APC2: variants seen among roughly 807,000 people sequenced by gnomAD.
APC2 encodes the protein APC regulator of Wnt signaling pathway 2, also known as adenomatous polyposis coli protein 2.
In APC2, 41 loss-of-function variants were observed where a neutral mutation model predicts 72.5. The ratio of observed to expected loss-of-function variants is 0.57; its 90% CI spans 0.44 to 0.73. APC2 has a LOEUF of 0.73. Among genes scored for constraint, APC2 ranks in the 30% least tolerant of loss-of-function variants. The pLI is 0.00. For synonymous variants in APC2, 1,898 were observed against 1,612.0 expected, an observed-to-expected ratio of 1.18 and a Z score of -4.25; for missense variants, 3,729 against 3,403.4, an observed-to-expected ratio of 1.10 and a Z score of -2.38.
Position 1,467,146 on chromosome 19 carries a change from C to A in APC2, c.3845C>A (p.Ala1282Asp). The change falls in exon 15 of 15, where the codon GCC (alanine) becomes GAC (aspartate). Residue 1282 changes from alanine to aspartate, a missense_variant. Ala to Asp is a moderately radical substitution (Grantham distance 126). Coordinates refer to ENST00000590469, the MANE Select transcript of APC2 (RefSeq NM_005883.3). ...TGCGCCTCCAGCCTCAGCGCGCTGG[C>A]CTTGCACGAGCACTACGTGCAGCAG... ...FSCASSLSALALHEHYVQQDV... is the reference protein window; with the variant it reads ...FSCASSLSALDLHEHYVQQDV... 2 of 1,570,244 alleles carry A rather than the reference C, an allele frequency of 1.3e-6. No individual in the cohort carries two copies. The highest frequency in any genetic ancestry group is 1.7e-6 in the Non-Finnish European group (2 of 1,157,944).
In APC2 at chr19:1,460,124, G is replaced by A. The variant is rs529739323; in HGVS notation, c.1304-57G>A. 75 of 1,607,880 alleles carry A rather than the reference G, an allele frequency of 4.7e-5. 1 individual carries two copies. Among genetic ancestry groups the A allele is most frequent in the Admixed American group, 3.5e-4 (21 of 59,800 alleles). On this transcript the variant is annotated intron_variant, in intron 10 of 14. Transcript: ENST00000590469. ...TCTGGGCAAGGGAGTGAGGTGGGGCGCTGGGCAGCAGGCAGGGTCATCCCT... is the reference window on the plus strand; with the variant it reads ...TCTGGGCAAGGGAGTGAGGTGGGGCACTGGGCAGCAGGCAGGGTCATCCCT...
At chr19:1,449,129 C>T (rs1356835058), upstream of APC2, among the ~76,000 whole-genome samples, 2 of 152,252 alleles carry the variant, frequency 1.3e-5, no homozygotes, top group East Asian at 3.8e-4. Context: ...TCATTCCCTG[C>T]ACCAGCCCTT....
chr19:1,446,509 G>GA (rs1329604957), upstream of APC2, among the ~76,000 whole-genome samples: 1 of 151,816 alleles, frequency 6.6e-6, no homozygotes, highest in Non-Finnish European at 1.5e-5. This position sits in a 1 kb window ranked among gnomAD's most constrained non-coding sequence, Gnocchi z 6.1. Flanking sequence ...CCGTTGCCGG[G>GA]AAACCGCCTC....
chr19:1,450,456 T>C (rs2083730250), intron 1 of APC2, 118 bp downstream of exon 1: 3 of 835,002 alleles, frequency 3.6e-6, no homozygotes, highest in Non-Finnish European at 4.3e-6. Flanking sequence ...TTCCCCAGAG[T>C]GGGAGCTGGA....
In APC2 at chr19:1,466,112, C is replaced by T; in HGVS notation, c.2811C>T (p.Cys937=). ...GCGGCAGTGCCAGCGACGGGTACTG[C>T]CCACGCGAACATATGCTGCCCTGCC... ...LNSGSASDGY[C]PREHMLPCPL... The change falls in exon 15 of 15, where the codon TGC becomes TGT. Residue 937 remains cysteine (C), a synonymous_variant. Coordinates refer to ENST00000590469, the MANE Select transcript of APC2 (RefSeq NM_005883.3). The T allele has an allele frequency of 1.3e-6, 2 of 1,562,922 alleles. No individual in the cohort carries two copies. Among genetic ancestry groups the T allele is most frequent in the South Asian group, 1.2e-5 (1 of 86,264 alleles).
In APC2 at chr19:1,461,509, C is replaced by T. The variant is rs140949899; in HGVS notation, c.1638+356C>T. On this transcript the variant is annotated intron_variant, in intron 13 of 14. Coordinates refer to ENST00000590469, the MANE Select transcript of APC2 (RefSeq NM_005883.3). ...ACTTGAACCTAGGAGGCGGAGGTTG[C>T]GCCACTGCATTCCAGCCTGGGCCAC... The T allele has an allele frequency of 1.1e-4, 39 of 371,136 alleles. 1 individual carries two copies. Among genetic ancestry groups the T allele is most frequent in the Middle Eastern group, 8.0e-4 (1 of 1,246 alleles). The allele number at this position is 371,136 out of a possible 1,614,324, so 23.0% of individuals were successfully genotyped here.
rs2084047733 is a variant in APC2 at position 1,467,815 on chromosome 19, C to G, written c.4514C>G (p.Ala1505Gly). The stretch of plus-strand genomic sequence containing the variant: ...TGCCTCACGACGCCCACTGAGGAGG[C>G]CGTGTACTGCTTCTACGGCAACGAC... ...SLCLTTPTEE[A>G]VYCFYGNDSD... Residue 1505 changes from alanine to glycine, a missense_variant, in exon 15 of 15, where the codon GCC (alanine) becomes GGC (glycine). Ala to Gly is a moderately conservative substitution (Grantham distance 60). Coordinates refer to ENST00000590469, the MANE Select transcript of APC2 (RefSeq NM_005883.3). The G allele has an allele frequency of 6.7e-7, 1 of 1,501,506 alleles. No individual in the cohort carries two copies. Among genetic ancestry groups the G allele is most frequent in the African/African-American group, 1.4e-5 (1 of 70,578 alleles). The allele number at this position is 1,501,506 out of a possible 1,614,324, so 93.0% of individuals were successfully genotyped here.
chr19:1,467,069 G>T lies in APC2; in HGVS notation c.3768G>T (p.Leu1256=). The change falls in exon 15 of 15, where the codon CTG becomes CTT. Residue 1256 remains leucine (L), a synonymous_variant. Transcript: ENST00000590469. ...AGCGCTGCCGGCTGCCATCTGAGCT[G>T]GACGCAGGCAGCGTGCGCTTTACCG... The part of the protein sequence containing the change: ...CRERCRLPSE[L]DAGSVRFTVE... The T allele has an allele frequency of 6.2e-7, 1 of 1,611,642 alleles. No individual in the cohort carries two copies. The highest frequency in any genetic ancestry group is 8.5e-7 in the Non-Finnish European group (1 of 1,179,594).
chr19:1,459,032 T>C (rs1201478400), intron 10 of APC2, among the ~76,000 whole-genome samples: 2 of 152,016 alleles, frequency 1.3e-5, no homozygotes, highest in African/African-American at 4.8e-5. Context: ...CTGCTCATCC[T>C]GTCCCCAGCC....
In APC2 at chr19:1,456,131, G is replaced by T. The variant is rs1316022213; in HGVS notation, c.695G>T (p.Arg232Leu). ...IDKELLEAQD[R>L]VQQTEPQALL... ...AAGGAGCTGCTGGAGGCGCAGGACC[G>T]AGTGCAGCAGACGGAGCCCCAGGTA... The change falls in exon 7 of 15, where the codon CGA becomes CTA. Residue 232 changes from arginine to leucine, a missense_variant. Transcript: ENST00000590469. The T allele has an allele frequency of 1.3e-6, 2 of 1,591,830 alleles. No individual in the cohort carries two copies. The highest frequency in any genetic ancestry group is 1.1e-5 in the South Asian group (1 of 88,240).
chr19:1,467,531 G>A lies in APC2; in HGVS notation c.4230G>A (p.Thr1410=). The A allele has an allele frequency of 4.7e-6, 7 of 1,478,826 alleles. No homozygotes were observed. The highest frequency in any genetic ancestry group is 6.3e-6 in the Non-Finnish European group (7 of 1,119,112). The allele number at this position is 1,478,826 out of a possible 1,614,324, so 91.6% of individuals were successfully genotyped here. Residue 1410 remains threonine, a synonymous_variant, in exon 15 of 15, where the codon ACG becomes ACA. Coordinates refer to ENST00000590469, the MANE Select transcript of APC2 (RefSeq NM_005883.3). The part of the protein sequence containing the change: ...FSSAASLSDE[T]LQGPPRDQPG... Reference sequence around the variant, plus strand: ...GCGCCGCCTCGCTCAGCGACGAGACGCTGCAGGGACCCCCCAGGGACCAGC... The same window carrying A: ...GCGCCGCCTCGCTCAGCGACGAGACACTGCAGGGACCCCCCAGGGACCAGC...
At chr19:1,460,684 G>T in intron 11 of APC2, 96 bp from the exon 12 acceptor site, 4 of 1,297,890 alleles carry the variant, frequency 3.1e-6, no homozygotes, top group Non-Finnish European at 4.3e-6. Context: ...AGGGGTCTGA[G>T]TTTGCAGCTG....
Position 1,467,453 on chromosome 19 carries a change from G to A in APC2, c.4152G>A (p.Gln1384=), listed in dbSNP as rs1318988397. ...TGGTGCCCGCCCCGGCCCCGGCCCA[G>A]GAGGACGACTCCTGCACTGACTCCG... ...YMLVPAPAPA[Q]EDDSCTDSAE... The change falls in exon 15 of 15, where the codon CAG becomes CAA. Residue 1384 remains glutamine (Q), a synonymous_variant. Transcript: ENST00000590469. 3.4e-6 allele frequency: 5 copies of A among 1,474,606 alleles called. No individual in the cohort carries two copies. Among genetic ancestry groups the A allele is most frequent in the Non-Finnish European group, 4.5e-6 (5 of 1,116,850 alleles). 91.3% of individuals were successfully genotyped at this position (1,474,606 alleles called of 1,614,324 possible). A position where few individuals can be genotyped will look rare whatever the true frequency, so the allele number is the denominator to read the frequency against.
In APC2 at chr19:1,465,579, C is replaced by T; in HGVS notation, c.2278C>T (p.Pro760Ser). 1.3e-6 allele frequency: 2 copies of T among 1,569,170 alleles called. No homozygotes were observed. The highest frequency in any genetic ancestry group is 2.4e-5 in the East Asian group (1 of 41,702). ...AEAATKKPLP[P>S]LRHLDGLAQD... is the part of the protein sequence containing the mutation. ...GGCCGCCACTAAGAAGCCGCTGCCG[C>T]CCCTGCGACACCTGGACGGCCTGGC... is the stretch of plus-strand genomic sequence containing the variant. The change falls in exon 15 of 15, where the codon CCC becomes TCC. Residue 760 changes from proline (P) to serine (S), a missense_variant. Transcript: ENST00000590469.
rs1331185862 is a variant in APC2 at position 1,465,308 on chromosome 19, G to A, written c.2007G>A (p.Val669=). 1.9e-6 allele frequency: 3 copies of A among 1,598,194 alleles called. No individual in the cohort carries two copies. The highest frequency in any genetic ancestry group is 2.2e-5 in the East Asian group (1 of 44,738). Residue 669 remains valine (V), a synonymous_variant, in exon 15 of 15, where the codon GTG becomes GTA. Transcript: ENST00000590469. ...AGCTGCTGTGGGACCTGGGCGCCGT[G>A]GGCATGCTGCGTAATCTGGTGCACT... The part of the protein sequence containing the change: ...DQELLWDLGA[V]GMLRNLVHSK...
rs1422998516 is a variant in APC2 at position 1,466,555 on chromosome 19, G to A, written c.3254G>A (p.Ser1085Asn). 1 of 1,582,568 alleles carries A rather than the reference G, an allele frequency of 6.3e-7. No homozygotes were observed. The highest frequency in any genetic ancestry group is 8.5e-7 in the Non-Finnish European group (1 of 1,172,204). ...TCCTCGGCCGGCCGCCCAGGCCCCA[G>A]CGAGGGTGGTGACCTGGATGACAGT... ...SLSSAGRPGP[S>N]EGGDLDDSDS... is the part of the protein sequence containing the mutation. Residue 1085 changes from serine to asparagine, a missense_variant, in exon 15 of 15, where the codon AGC becomes AAC. Coordinates refer to ENST00000590469, the MANE Select transcript of APC2 (RefSeq NM_005883.3).
At chr19:1,454,870 T>A (rs2083795550) in intron 4 of APC2, among the ~76,000 whole-genome samples, 1 of 152,086 alleles carries the variant, frequency 6.6e-6, no homozygotes, top group Non-Finnish European at 1.5e-5. Flanking sequence ...CCCGGCCGGC[T>A]ATTTTTATAT....
rs761859491 is a variant in APC2, at chr19:1,465,680, CG to C, written c.2383del (p.Glu795SerfsTer242). ...CATCCCTGGCTGCGGCCGCGGCCAC[CG>C]GGGAGCCAGCCAGCCCTGCCGCGCT... ...PSSLAAAAATGEPASPAALSL... is the reference protein window; with the variant it reads ...PSSLAAAAATXEPASPAALSL... On this transcript the variant is annotated frameshift_variant, in exon 15 of 15. Transcript: ENST00000590469. LOFTEE classifies it low-confidence loss of function (END_TRUNC). The C allele has an allele frequency of 6.3e-7, 1 of 1,594,712 alleles. No homozygotes were observed. Among genetic ancestry groups the C allele is most frequent in the Non-Finnish European group, 8.5e-7 (1 of 1,172,576 alleles).
At chr19:1,461,775 T>C (rs190236735) in intron 13 of APC2, 188 bp from the exon 14 acceptor site, 28 of 575,812 alleles carry the variant, frequency 4.9e-5, no homozygotes, top group Non-Finnish European at 8.2e-5. Context: ...TCGCTTGAAC[T>C]GGGGAGTCGG....
Sources: gnomAD v4.1 joint callset for allele counts (sites outside exome capture counted in the v4.1 genomes callset) on GRCh38, gnomAD v4.1.1 for gene constraint, Gnocchi (gnomAD v3.1) non-coding constraint, MANE v1.5 for transcripts, NCBI Gene and HGNC (gene_info 2026-07-23, HGNC 2026-07-21) for gene names.